The following DYSF variants were observed in gnomAD, a reference collection of about 807,000 sequenced individuals.
The protein encoded by DYSF is dysferlin.
In DYSF, 212 loss-of-function variants were observed where a neutral mutation model predicts 274.9. The observed-to-expected ratio is 0.77, with a 90% CI of 0.69 to 0.86. The LOEUF (loss-of-function observed/expected upper bound fraction) is 0.86. Ranked by LOEUF, DYSF falls within the 40% of genes least tolerant of loss-of-function variation. The pLI, the probability that DYSF is intolerant of heterozygous loss-of-function variation, is 0.00. For synonymous variants in DYSF, 1,091 were observed against 1,078.7 expected (o/e 1.01, Z -0.22); for missense variants, 2,666 against 2,783.2 (o/e 0.96, Z 0.95).
intron 41 of DYSF, among the ~76,000 whole-genome samples, chr2:71,624,242 CT>C (rs1474132951): frequency 1.3e-5 from 2 of 152,208 alleles, no homozygotes; most frequent in Non-Finnish European, 2.9e-5. Flanking sequence ...CCTAGAACAG[CT>C]GTGGACAGTC....
intron 1 of DYSF, chr2:71,454,173 G>C: frequency 7.5e-7 from 1 of 1,331,344 alleles, no homozygotes; most frequent in Admixed American, 2.0e-5. Flanking sequence ...AGCACCTAGA[G>C]CTGAGAGACA....
intron 52 of DYSF, among the ~76,000 whole-genome samples, chr2:71,676,728 A>G (rs2095228670): frequency 6.6e-6 from 1 of 152,222 alleles, no homozygotes; most frequent in South Asian, 2.1e-4. Context: ...AAAACCATTA[A>G]CGAATACTAG....
intron 41 of DYSF, among the ~76,000 whole-genome samples, chr2:71,622,769 C>G (rs1380145783): frequency 6.6e-6 from 1 of 152,188 alleles, no homozygotes; most frequent in East Asian, 1.9e-4. Flanking sequence ...GTGCCCACCA[C>G]CGCACTCTGT....
chr2:71,522,768 C>T (rs2087438194), intron 12 of DYSF, among the ~76,000 whole-genome samples: 1 of 152,168 alleles, frequency 6.6e-6, no homozygotes, highest in South Asian at 2.1e-4. Context: ...CCACTCCCCA[C>T]ACCTGTTCCC....
chr2:71,658,951 C>G lies in DYSF; in HGVS notation c.4829C>G (p.Ala1610Gly). 6.2e-7 allele frequency: 1 copy of G among 1,614,208 alleles called. No individual in the cohort carries two copies. The highest frequency in any genetic ancestry group is 1.1e-5 in the South Asian group (1 of 91,084). The change falls in exon 44 of 56, where the codon GCC becomes GGC. Residue 1610 changes from alanine to glycine, a missense_variant. Physicochemically the swap from Ala to Gly is moderately conservative, Grantham distance 60 (BLOSUM62 0). Coordinates refer to ENST00000410020, the MANE Select transcript of DYSF (RefSeq NM_001130987.2). ...CCCCCAAGACAGTTCCACCAGCTGGCCGCCCAGGGACCCCAGGAGTGCTTG... is the reference window on the plus strand; with the variant it reads ...CCCCCAAGACAGTTCCACCAGCTGGGCGCCCAGGGACCCCAGGAGTGCTTG... ...PMPPRQFHQLAAQGPQECLVR... is the reference protein window; with the variant it reads ...PMPPRQFHQLGAQGPQECLVR...
At chr2:71,560,437 C>T (rs1055508746) in intron 22 of DYSF, among the ~76,000 whole-genome samples, 1 of 152,218 alleles carries the variant, frequency 6.6e-6, no homozygotes, top group African/African-American at 2.4e-5. Flanking sequence ...CGCTACCCAC[C>T]GAGCATGCCC....
intron 1 of DYSF, among the ~76,000 whole-genome samples, chr2:71,478,490 T>C (rs185507076): frequency 1.6e-3 from 251 of 152,168 alleles, no homozygotes; most frequent in African/African-American, 4.1e-3. Context: ...GGATTACAGG[T>C]GTGAGCCACC....
rs111935215 is a variant in DYSF at position 71,612,621 on chromosome 2, G to A, written c.4222-20G>A. ...CCCAGAGGGGGATTCAGGCCAGTGC[G>A]TTCTTCCTCCTCCACCCAGATGCTG... On this transcript the variant is annotated intron_variant, in intron 38 of 55. Coordinates refer to ENST00000410020, the MANE Select transcript of DYSF (RefSeq NM_001130987.2). The A allele has an allele frequency of 0.025, 39,942 of 1,612,970 alleles. 642 individuals carry two copies. The highest frequency in any genetic ancestry group is 0.043 in the South Asian group (3,903 of 91,002).
intron 35 of DYSF, among the ~76,000 whole-genome samples, chr2:71,602,221 G>C (rs1331212088): frequency 6.6e-6 from 1 of 152,212 alleles, no homozygotes; most frequent in Non-Finnish European, 1.5e-5. Flanking sequence ...TCTATGAGAA[G>C]TAGTCATCTG....
Position 71,612,668 on chromosome 2 carries a change from C to G in DYSF, c.4249C>G (p.Pro1417Ala), listed in dbSNP as rs376134165. 1.1e-5 allele frequency: 17 copies of G among 1,614,016 alleles called. No individual in the cohort carries two copies. The highest frequency in any genetic ancestry group is 3.3e-5 in the South Asian group (3 of 91,072). Residue 1417 changes from proline (P) to alanine (A), a missense_variant, in exon 39 of 56, where the codon CCC becomes GCC. Pro to Ala is a conservative substitution (Grantham distance 27, BLOSUM62 -1). This residue lies in a region of DYSF where 1,460 missense variants were observed against 1,502.1 expected (regional missense o/e 0.97). Transcript: ENST00000410020. ...VMLPREELYC[P>A]PITVKVIDNR... ...GCTGCCCAGGGAGGAGCTCTACTGC[C>G]CCCCCATCACCGTCAAGGTCATCGA...
chr2:71,554,403 G>C lies in DYSF; in HGVS notation c.2109+472G>C, dbSNP rs577137715. The stretch of plus-strand genomic sequence containing the variant: ...GGCTCACTTGTGCCTCTCATACAGG[G>C]CTTTCCAAACTTAGGTACAGGTGAC... On this transcript the variant is annotated intron_variant, in intron 21 of 55. Transcript: ENST00000410020. Among the ~76,000 whole-genome samples the C allele has an allele frequency of 1.8e-4, 28 of 152,322 alleles. No homozygotes were observed. In the South Asian group the frequency reaches 5.8e-3, roughly 32 times the overall value.
intron 16 of DYSF, 97 bp downstream of exon 16, chr2:71,535,408 G>C: frequency 7.7e-7 from 1 of 1,298,842 alleles, no homozygotes; most frequent in Non-Finnish European, 1.1e-6. Context: ...GTAAGAGTGT[G>C]AGGGAGAAGT....
chr2:71,579,269 C>G (rs1020189988), intron 30 of DYSF, among the ~76,000 whole-genome samples: 12 of 152,288 alleles, frequency 7.9e-5, no homozygotes, highest in African/African-American at 2.9e-4. Context: ...TTTCCAAGCC[C>G]TGCCTCTGTG....
chr2:71,581,423 G>C (rs1211359349), intron 30 of DYSF, among the ~76,000 whole-genome samples: 1 of 152,238 alleles, frequency 6.6e-6, no homozygotes, highest in Admixed American at 6.5e-5. Flanking sequence ...AAGGGAGTCT[G>C]TGTGTTCCTG....
At chr2:71,632,833 C>T (rs2094337229) in intron 41 of DYSF, among the ~76,000 whole-genome samples, 1 of 152,188 alleles carries the variant, frequency 6.6e-6, no homozygotes, top group East Asian at 1.9e-4. Flanking sequence ...ACCTCGGGTT[C>T]CCCACAGCTC....
At chr2:71,460,915 C>T (rs1399504650) in intron 1 of DYSF, among the ~76,000 whole-genome samples, 2 of 145,278 alleles carry the variant, frequency 1.4e-5, no homozygotes, top group Non-Finnish European at 3.0e-5. Context: ...AAAAGCAAAG[C>T]CAGGAATCAT....
chr2:71,500,245 C>T lies in DYSF; in HGVS notation c.240-2969C>T, dbSNP rs909104576. 1.3e-5 allele frequency among the ~76,000 whole-genome samples: 2 copies of T among 152,150 alleles called. 1 individual carries two copies. Among genetic ancestry groups the T allele is most frequent in the South Asian group, 4.1e-4 (2 of 4,830 alleles). ...CTCCCAGGGGTCCCTCTTCTGCGCC[C>T]CCCACCTCTCCTCCCTGAGCAATGC... is the stretch of plus-strand genomic sequence containing the variant. On this transcript the variant is annotated intron_variant, in intron 3 of 55. Coordinates refer to ENST00000410020, the MANE Select transcript of DYSF (RefSeq NM_001130987.2).
intron 40 of DYSF, among the ~76,000 whole-genome samples, chr2:71,618,434 G>GGTGTGT (rs1558640252): frequency 8.8e-5 from 4 of 45,698 alleles, no homozygotes; most frequent in African/African-American, 9.2e-5. Flanking sequence ...GTAGAGGTGG[G>GGTGTGT]GTGTGTGTGG....
At chr2:71,674,387 A>G in intron 52 of DYSF, 91 bp downstream of exon 52, 3 of 1,297,074 alleles carry the variant, frequency 2.3e-6, no homozygotes. Context: ...CCCTTGGGGA[A>G]GCCTAGCAGG....
Sources: allele counts gnomAD v4.1 joint callset (sites outside exome capture counted in the v4.1 genomes callset), GRCh38; gene constraint gnomAD v4.1.1; regional missense constraint gnomAD v4.1.1; transcripts MANE v1.5; gene names NCBI Gene and HGNC (gene_info 2026-07-23, HGNC 2026-07-21).